ARHGEF4: variants seen among roughly 807,000 people sequenced by gnomAD.
ARHGEF4 encodes APC-stimulated guanine nucleotide exchange factor 1.
In ARHGEF4, 119 loss-of-function variants were observed where a neutral mutation model predicts 162.0. The observed-to-expected ratio is 0.73, with a 90% confidence interval of 0.63 to 0.86. The LOEUF is 0.86. ARHGEF4 is among the 40% of genes least tolerant of loss of function. ARHGEF4 has a pLI of 0.00. For synonymous variants in ARHGEF4, 1,014 were observed against 979.9 expected (o/e 1.03, Z -0.65); for missense variants, 2,488 against 2,456.0 (o/e 1.01, Z -0.28).
chr2:131,034,834 C>A, intron 5 of ARHGEF4: 1 of 241,846 alleles, frequency 4.1e-6, no homozygotes, highest in Non-Finnish European at 6.7e-6. Context: ...CGCAGCGCAG[C>A]GCACGCCCGA....
At chr2:130,848,956 C>T (rs1681193342) in intron 1 of ARHGEF4, among the ~76,000 whole-genome samples, 2 of 152,124 alleles carry the variant, frequency 1.3e-5, no homozygotes, top group South Asian at 4.1e-4. Flanking sequence ...GCCCTGGGCA[C>T]CTCGGATCCT....
At chr2:130,964,212 C>T in intron 4 of ARHGEF4, 1 of 985,502 alleles carries the variant, frequency 1.0e-6, no homozygotes, top group African/African-American at 1.7e-5. Flanking sequence ...CCGTGTCCCG[C>T]TCCTGGAGCC....
chr2:130,974,599 C>T (rs576991621), intron 4 of ARHGEF4, among the ~76,000 whole-genome samples: 42 of 147,080 alleles, frequency 2.9e-4, no homozygotes, highest in East Asian at 2.1e-3. Context: ...AGTAGGCACA[C>T]GCCACCACAC....
chr2:130,908,451 T>C (rs1362718087), intron 1 of ARHGEF4, among the ~76,000 whole-genome samples: 1 of 151,898 alleles, frequency 6.6e-6, no homozygotes, highest in Non-Finnish European at 1.5e-5. Flanking sequence ...CCGAGGCGGG[T>C]GGATCACGAG....
At chr2:130,949,375 A>G (rs1683813650) in intron 4 of ARHGEF4, among the ~76,000 whole-genome samples, 1 of 151,880 alleles carries the variant, frequency 6.6e-6, no homozygotes, top group Non-Finnish European at 1.5e-5. Flanking sequence ...ATTTTTTGAG[A>G]CGGAGTCTCG....
At chr2:130,870,885 G>A (rs1430467079) in intron 1 of ARHGEF4, among the ~76,000 whole-genome samples, 1 of 152,158 alleles carries the variant, frequency 6.6e-6, no homozygotes, top group Non-Finnish European at 1.5e-5. Context: ...GTAGGGTGGG[G>A]CAGGTGTTCC....
At position 130,955,191 on chromosome 2, in the gene ARHGEF4, T is replaced by C. The variant is rs571891539; in HGVS notation, c.3985+8556T>C. 2.6e-5 allele frequency among the ~76,000 whole-genome samples: 4 copies of C among 152,344 alleles called. 1 individual carries two copies. Among genetic ancestry groups the C allele is most frequent in the African/African-American group, 4.8e-5 (2 of 41,592 alleles). On this transcript the variant is annotated intron_variant, in intron 4 of 13. Coordinates refer to ENST00000409359, the MANE Select transcript of ARHGEF4 (RefSeq NM_001367493.1). ...TGGTGAGACACTGTCATCACATCTT[T>C]TGTCTTTTAATCATGTTTCCTTTAG...
rs544283042 is a variant in ARHGEF4 at position 131,039,109 on chromosome 2, A to C, written c.4305+77A>C. The C allele has an allele frequency of 2.9e-5, 43 of 1,477,830 alleles. No individual in the cohort carries two copies. In the African/African-American group the frequency reaches 5.3e-4, roughly 18 times the overall value. 91.5% of individuals were successfully genotyped at this position (1,477,830 alleles called of 1,614,324 possible). A position where few individuals can be genotyped will look rare whatever the true frequency, so the allele number is the denominator to read the frequency against. On this transcript the variant is annotated intron_variant, in intron 6 of 13. Coordinates refer to ENST00000409359, the MANE Select transcript of ARHGEF4 (RefSeq NM_001367493.1). ...TGGTTCTGCAGAGAAATCCAAGCCC[A>C]AAACAGCTCTGGCATCCTAGGTGCA... is the stretch of plus-strand genomic sequence containing the variant.
chr2:130,847,519 G>C (rs1681070191), intron 1 of ARHGEF4, among the ~76,000 whole-genome samples: 2 of 152,202 alleles, frequency 1.3e-5, no homozygotes, highest in African/African-American at 2.4e-5. Flanking sequence ...GTTCCTCTCT[G>C]TAAGGTGGCT....
rs1691265947 is a variant in ARHGEF4, at chr2:131,046,395, G to T, written c.*206G>T. The T allele has an allele frequency of 3.4e-6, 2 of 596,458 alleles. No homozygotes were observed. The highest frequency in any genetic ancestry group is 3.7e-5 in the African/African-American group (2 of 53,588). The allele number at this position is 596,458 out of a possible 1,614,324, so 36.9% of individuals were successfully genotyped here. A position where few individuals can be genotyped will look rare whatever the true frequency, so the allele number is the denominator to read the frequency against. ...TGGTGCCCTGAAGAGACCAGCAAGG[G>T]GGCAGACCCCGCACTCGCCACACCG... On this transcript the variant is annotated 3_prime_UTR_variant, in exon 14 of 14. Transcript: ENST00000409359.
chr2:130,970,850 T>C (rs923039526), intron 4 of ARHGEF4, among the ~76,000 whole-genome samples: 1 of 152,198 alleles, frequency 6.6e-6, no homozygotes, highest in African/African-American at 2.4e-5. Flanking sequence ...AAATATTTAT[T>C]CTAGTCTGTG....
At chr2:130,910,735 G>A (rs1681130412) in intron 1 of ARHGEF4, among the ~76,000 whole-genome samples, 1 of 152,148 alleles carries the variant, frequency 6.6e-6, no homozygotes, top group Non-Finnish European at 1.5e-5. Context: ...CTTGTACTAT[G>A]TCATAAAGCC....
chr2:130,918,036 G>T (rs945179053), intron 2 of ARHGEF4, among the ~76,000 whole-genome samples: 1 of 151,936 alleles, frequency 6.6e-6, no homozygotes, highest in Non-Finnish European at 1.5e-5. Flanking sequence ...TGGCCAGGCT[G>T]GTCTTGAACT....
At chr2:130,847,344 C>T (rs577708855) in intron 1 of ARHGEF4, among the ~76,000 whole-genome samples, 6 of 152,230 alleles carry the variant, frequency 3.9e-5, no homozygotes, top group African/African-American at 1.2e-4. Context: ...CAGAGGAGGC[C>T]GGGGGAAATT....
chr2:130,937,849 A>G (rs1683054808), intron 3 of ARHGEF4, among the ~76,000 whole-genome samples: 1 of 151,962 alleles, frequency 6.6e-6, no homozygotes, highest in Admixed American at 6.6e-5. Flanking sequence ...TTGTATTTTT[A>G]GTAGAGATGG....
Position 131,041,243 on chromosome 2 carries a change from A to G in ARHGEF4, c.4676A>G (p.Gln1559Arg). ...TGTGCCCCTTAGCAAGCCGACTTCC[A>G]GATCTACTCGGAGTACTGCAATAAC... is the stretch of plus-strand genomic sequence containing the variant. ...ACFLEHQADF[Q>R]IYSEYCNNHP... The change falls in exon 9 of 14, where the codon CAG (glutamine) becomes CGG (arginine). Residue 1559 changes from glutamine (Q) to arginine (R), a missense_variant. Coordinates refer to ENST00000409359, the MANE Select transcript of ARHGEF4 (RefSeq NM_001367493.1). 1.9e-6 allele frequency: 3 copies of G among 1,613,544 alleles called. No individual in the cohort carries two copies. The highest frequency in any genetic ancestry group is 2.5e-6 in the Non-Finnish European group (3 of 1,179,838).
At chr2:130,847,737 C>T (rs1468953989) in intron 1 of ARHGEF4, among the ~76,000 whole-genome samples, 2 of 152,194 alleles carry the variant, frequency 1.3e-5, no homozygotes, top group African/African-American at 4.8e-5. Flanking sequence ...GTTTAGAAAA[C>T]ATCAGGCGAG....
At chr2:131,029,019 A>G (rs1307152415) in intron 5 of ARHGEF4, among the ~76,000 whole-genome samples, 1 of 152,124 alleles carries the variant, frequency 6.6e-6, no homozygotes, top group Non-Finnish European at 1.5e-5. Context: ...AGTGGAATCA[A>G]AGGCCCATGA....
At chr2:130,990,201 G>C (rs1310669377) in intron 4 of ARHGEF4, among the ~76,000 whole-genome samples, 1 of 152,056 alleles carries the variant, frequency 6.6e-6, no homozygotes, top group Admixed American at 6.5e-5. Context: ...GCTTCTTTCT[G>C]CTGAACTCAA....
Sources: allele counts gnomAD v4.1 joint callset (sites outside exome capture counted in the v4.1 genomes callset), GRCh38; gene constraint gnomAD v4.1.1; transcripts MANE v1.5; gene names NCBI Gene and HGNC (gene_info 2026-07-23, HGNC 2026-07-21).